Variants in IQSEC1 observed in about 807,000 individuals in gnomAD.
IQSEC1 encodes IQ motif and SEC7 domain-containing protein 1.
A neutral mutation model predicts 91.0 loss-of-function variants in IQSEC1; 31 were observed. That is an observed-to-expected ratio of 0.34 (90% CI 0.26 to 0.46). IQSEC1 has a LOEUF of 0.46. IQSEC1 is among the 20% of genes least tolerant of loss of function. The pLI is 1.00. For synonymous variants in IQSEC1, 699 were observed against 662.6 expected (o/e 1.05, Z -0.84); for missense variants, 1,388 against 1,575.6 (o/e 0.88, Z 2.02).
chr3:12,949,179 C>T (rs1364423536), intron 1 of IQSEC1, among the ~76,000 whole-genome samples: 1 of 152,246 alleles, frequency 6.6e-6, no homozygotes. Context: ...CACACCATGC[C>T]TCTCCTGCCC....
Position 12,899,323 on chromosome 3 carries a change from G to T in IQSEC1, c.*1660C>A. 1 of 1,566,664 alleles carries T rather than the reference G, an allele frequency of 6.4e-7. No individual in the cohort carries two copies. Among genetic ancestry groups the T allele is most frequent in the Non-Finnish European group, 8.7e-7 (1 of 1,145,204 alleles). On this transcript the variant is annotated 3_prime_UTR_variant, in exon 14 of 14. Transcript: ENST00000613206. ...CCGCGGCCCGCAGAGTCAGGCGTGA[G>T]CTTCGCCCTTTCTGAAAGGGCCTCC...
intron 1 of IQSEC1, among the ~76,000 whole-genome samples, chr3:13,251,663 A>G (rs1695195633): frequency 6.6e-6 from 1 of 152,236 alleles, no homozygotes. Flanking sequence ...GGTTCTGACA[A>G]GGACTGCACC....
At chr3:12,920,238 G>A (rs1365433540) in intron 6 of IQSEC1, among the ~76,000 whole-genome samples, 192 bp downstream of exon 6, 1 of 152,174 alleles carries the variant, frequency 6.6e-6, no homozygotes, top group African/African-American at 2.4e-5. Context: ...TGTGTCCCAC[G>A]GGGGCTCCTC....
chr3:13,093,978 A>T (rs1267958870), intron 2 of IQSEC1, among the ~76,000 whole-genome samples: 2 of 152,178 alleles, frequency 1.3e-5, no homozygotes. Context: ...GCTTTTGCAG[A>T]TCTGAAAAAG....
intron 1 of IQSEC1, among the ~76,000 whole-genome samples, chr3:13,192,555 A>G (rs1459756779): frequency 6.6e-6 from 1 of 152,180 alleles, no homozygotes; most frequent in Non-Finnish European, 1.5e-5. Flanking sequence ...AAGCAGGTAT[A>G]GGCAGGAAGC....
In IQSEC1 at chr3:12,909,164, T is replaced by TG; in HGVS notation, c.2578+108dup. ...GGCCATAGGGAAGGCCAGAAAAGAC[T>TG]GGGGGACATCTTGTCTCTGTGAGCT... On this transcript the variant is annotated intron_variant, in intron 11 of 13. Transcript: ENST00000613206. The surrounding 1 kb of genome is among the most constrained non-coding windows in gnomAD (Gnocchi z 4.9). 8.5e-7 allele frequency: 1 copy of TG among 1,182,156 alleles called. No individual in the cohort carries two copies. Among genetic ancestry groups the TG allele is most frequent in the Non-Finnish European group, 1.2e-6 (1 of 820,110 alleles). The allele number at this position is 1,182,156 out of a possible 1,614,324, so 73.2% of individuals were successfully genotyped here.
chr3:12,901,313 C>G lies in IQSEC1; in HGVS notation c.3015G>C (p.Gln1005His). Residue 1005 changes from glutamine to histidine, a missense_variant, in exon 14 of 14, where the codon CAG becomes CAC. Transcript: ENST00000613206. ...PHPPVVLPHL[Q>H]HSVAGHHLGP... is the part of the protein sequence containing the mutation. ...CCAGGTGGTGGCCAGCCACAGAGTG[C>G]TGCAAGTGAGGCAGGACCACCGGTG... 6.5e-7 allele frequency: 1 copy of G among 1,538,864 alleles called. No homozygotes were observed. Among genetic ancestry groups the G allele is most frequent in the Non-Finnish European group, 8.7e-7 (1 of 1,142,996 alleles).
intron 1 of IQSEC1, among the ~76,000 whole-genome samples, chr3:13,205,087 C>T (rs570350027): frequency 2.2e-4 from 33 of 151,780 alleles, no homozygotes; most frequent in Non-Finnish European, 3.2e-4. Flanking sequence ...TGTGAGCCAC[C>T]GCGCCTGGCC....
chr3:13,249,786 G>A (rs892114469), intron 1 of IQSEC1, among the ~76,000 whole-genome samples: 8 of 152,236 alleles, frequency 5.3e-5, no homozygotes, highest in African/African-American at 1.9e-4. Context: ...AGGAAGCACA[G>A]AGGAGGAGGA....
intron 2 of IQSEC1, among the ~76,000 whole-genome samples, chr3:13,100,106 C>A (rs776153463): frequency 1.4e-5 from 2 of 147,710 alleles, no homozygotes; most frequent in Non-Finnish European, 1.5e-5. Context: ...AGTGGCGTGG[C>A]GAGGGCTGCG....
At chr3:13,122,650 C>T (rs529107787) in intron 2 of IQSEC1, among the ~76,000 whole-genome samples, 6 of 152,230 alleles carry the variant, frequency 3.9e-5, no homozygotes, top group African/African-American at 9.6e-5. Flanking sequence ...AAACTCAAAA[C>T]GAGCTGGGCA....
At chr3:13,281,321 A>G (rs765591526) in intron 1 of IQSEC1, among the ~76,000 whole-genome samples, 4 of 152,150 alleles carry the variant, frequency 2.6e-5, no homozygotes, top group Non-Finnish European at 5.9e-5. Flanking sequence ...CCGGAGGGCC[A>G]GGAGTGGGGC....
At chr3:13,016,264 C>G (rs1703127821) in intron 1 of IQSEC1, among the ~76,000 whole-genome samples, 1 of 152,238 alleles carries the variant, frequency 6.6e-6, no homozygotes, top group Non-Finnish European at 1.5e-5. Flanking sequence ...GCCAGGAGTG[C>G]TCTGTCCCTG....
At chr3:12,927,342 G>T (rs1034681272) in intron 3 of IQSEC1, among the ~76,000 whole-genome samples, 2 of 151,746 alleles carry the variant, frequency 1.3e-5, no homozygotes, top group African/African-American at 4.9e-5. Context: ...CCACGGCAGT[G>T]AGTGGGGGAG....
rs564277100 is a variant in IQSEC1 at position 13,091,597 on chromosome 3, G to C, written c.303-44075C>G. Among the ~76,000 whole-genome samples, 6 of 152,316 alleles carry C rather than the reference G, an allele frequency of 3.9e-5. No individual in the cohort carries two copies. In the East Asian group the frequency reaches 1.2e-3, roughly 29 times the overall value. ...CAGGAGCAGGGGCTGGGGTGTGAAA[G>C]GACCCAGAAGCCCAGGTGGGACGGG... is the stretch of plus-strand genomic sequence containing the variant. On this transcript the variant is annotated intron_variant, in intron 2 of 15. Transcript: ENST00000648114.
Position 12,979,320 on chromosome 3 carries a change from T to C in IQSEC1, c.24-37455A>G, listed in dbSNP as rs1365066791. ...CCCATCCCTGAGGCCTGCTGTGTTT[T>C]GTTTACAACACAGATTAGCAAGCAC... On this transcript the variant is annotated intron_variant, in intron 1 of 13. Coordinates refer to ENST00000613206, the MANE Select transcript of IQSEC1 (RefSeq NM_001134382.3). This position sits in a 1 kb window ranked among gnomAD's most constrained non-coding sequence, Gnocchi z 4.3. 1.3e-5 allele frequency among the ~76,000 whole-genome samples: 2 copies of C among 152,260 alleles called. No individual in the cohort carries two copies. Among genetic ancestry groups the C allele is most frequent in the Non-Finnish European group, 2.9e-5 (2 of 68,048 alleles).
chr3:13,209,686 G>A (rs1194186388), intron 1 of IQSEC1, among the ~76,000 whole-genome samples: 1 of 152,246 alleles, frequency 6.6e-6, no homozygotes, highest in Non-Finnish European at 1.5e-5. Flanking sequence ...TTTAATACCA[G>A]CTGCCTATGC....
chr3:12,974,720 G>A (rs777954780), intron 1 of IQSEC1, among the ~76,000 whole-genome samples: 11 of 152,190 alleles, frequency 7.2e-5, no homozygotes, highest in Non-Finnish European at 1.2e-4. Flanking sequence ...CCATTTAGGT[G>A]CCTGCCAGCC....
intron 1 of IQSEC1, among the ~76,000 whole-genome samples, chr3:13,195,703 G>T (rs933811643): frequency 6.6e-6 from 1 of 152,156 alleles, no homozygotes; most frequent in African/African-American, 2.4e-5. Context: ...CAGGGAAGTG[G>T]ATGTGGCTGT....
Sources: gnomAD v4.1 joint callset for allele counts (sites outside exome capture counted in the v4.1 genomes callset) on GRCh38, gnomAD v4.1.1 for gene constraint, Gnocchi (gnomAD v3.1) non-coding constraint, MANE v1.5 for transcripts, NCBI Gene and HGNC (gene_info 2026-07-23, HGNC 2026-07-21) for gene names.